Variants in CACNA1S observed in about 807,000 individuals in gnomAD.
CACNA1S encodes the protein calcium voltage-gated channel subunit alpha1 S.
CACNA1S carries 126 observed loss-of-function variants against 207.4 expected under a neutral mutation model. The ratio of observed to expected loss-of-function variants is 0.61; its 90% confidence interval spans 0.53 to 0.70. The LOEUF (loss-of-function observed/expected upper bound fraction) is 0.70. CACNA1S is among the 30% of genes least tolerant of loss of function. The pLI is 0.00. For synonymous variants in CACNA1S, 960 were observed against 932.7 expected, an observed-to-expected ratio of 1.03 and a Z score of -0.53; for missense variants, 2,349 against 2,422.8, an observed-to-expected ratio of 0.97 and a Z score of 0.64.
intron 38 of CACNA1S, among the ~76,000 whole-genome samples, chr1:201,046,513 A>G (rs189910265): frequency 2.7e-5 from 4 of 150,120 alleles, no homozygotes; most frequent in Non-Finnish European, 5.9e-5. Context: ...AGAGCCCTTC[A>G]TGGATCACCT....
Position 201,039,654 on chromosome 1 carries a change from C to G in CACNA1S, c.*177G>C. On this transcript the variant is annotated 3_prime_UTR_variant, in exon 44 of 44. Transcript: ENST00000362061. Reference sequence around the variant, plus strand: ...CTTGCTGGTGAGGGGCAGGGCCTGTCCAGCTACTTCCTCCGCACTTTTTGA... The same window carrying G: ...CTTGCTGGTGAGGGGCAGGGCCTGTGCAGCTACTTCCTCCGCACTTTTTGA... 1.4e-6 allele frequency: 1 copy of G among 734,428 alleles called. No individual in the cohort carries two copies. The allele number at this position is 734,428 out of a possible 1,614,324, so 45.5% of individuals were successfully genotyped here.
At chr1:201,107,832 A>T (rs534641202) in intron 2 of CACNA1S, among the ~76,000 whole-genome samples, 1 of 152,294 alleles carries the variant, frequency 6.6e-6, no homozygotes, top group South Asian at 2.1e-4. Context: ...TCTGGGCTTC[A>T]CAATTAAGGG....
At position 201,084,992 on chromosome 1, in the gene CACNA1S, C is replaced by T. The variant is rs779904144; in HGVS notation, c.1190G>A (p.Ser397Asn). 1.9e-6 allele frequency: 3 copies of T among 1,612,620 alleles called. No individual in the cohort carries two copies. The highest frequency in any genetic ancestry group is 2.5e-6 in the Non-Finnish European group (3 of 1,179,930). ...SLDEGGSDTE[S>N]LYEIAGLNKI... ...GTTCAAGCCTGCAATTTCATACAGG[C>T]TCTCTGTGTCAGAGCCACCTTCATC... is the stretch of plus-strand genomic sequence containing the variant. The change falls in exon 9 of 44, where the codon AGC becomes AAC. Residue 397 changes from serine (S) to asparagine (N), a missense_variant. Physicochemically the swap from Ser to Asn is conservative, Grantham distance 46. Transcript: ENST00000362061.
Position 201,061,994 on chromosome 1 carries a change from G to C in CACNA1S, c.3003C>G (p.Leu1001=). 6.2e-7 allele frequency: 1 copy of C among 1,614,230 alleles called. No homozygotes were observed. Among genetic ancestry groups the C allele is most frequent in the Admixed American group, 1.7e-5 (1 of 60,030 alleles). Residue 1001 remains leucine (L), a synonymous_variant, in exon 24 of 44, where the codon CTC becomes CTG. Coordinates refer to ENST00000362061, the MANE Select transcript of CACNA1S (RefSeq NM_000069.3). ...CCGTGAAGAGGGACATCATGGCTGA[G>C]AGCACATTGTCGAAGTGGAAGTCGC... ...VHSDFHFDNV[L]SAMMSLFTVS...
intron 1 of CACNA1S, among the ~76,000 whole-genome samples, chr1:201,111,212 T>C (rs1208837721): frequency 6.6e-6 from 1 of 152,142 alleles, no homozygotes; most frequent in Non-Finnish European, 1.5e-5. Flanking sequence ...GGGCTGACCC[T>C]GACCCCAAAC....
At chr1:201,058,783 T>C (rs1165212916) in intron 27 of CACNA1S, among the ~76,000 whole-genome samples, 1 of 152,144 alleles carries the variant, frequency 6.6e-6, no homozygotes, top group Non-Finnish European at 1.5e-5. Flanking sequence ...TAGAGATCTC[T>C]TTCATCCCCT....
chr1:201,061,827 T>G, intron 24 of CACNA1S, 117 bp downstream of exon 24: 3 of 1,185,446 alleles, frequency 2.5e-6, no homozygotes, highest in Non-Finnish European at 3.8e-6. Flanking sequence ...GTTGGTGGGT[T>G]TGTTGGACGC....
intron 2 of CACNA1S, among the ~76,000 whole-genome samples, chr1:201,096,997 A>T (rs74136316): frequency 2.6e-5 from 4 of 152,076 alleles, no homozygotes; most frequent in African/African-American, 9.7e-5. Context: ...GCTCTTTTTC[A>T]TGTGTCGCTG....
At position 201,042,996 on chromosome 1, in the gene CACNA1S, T is replaced by C. The variant is rs200450779; in HGVS notation, c.5048+285A>G. 6 of 415,794 alleles carry C rather than the reference T, an allele frequency of 1.4e-5. No homozygotes were observed. The East Asian group carries it at 3.2e-4, about 22-fold the overall frequency. 25.8% of individuals were successfully genotyped at this position (415,794 alleles called of 1,614,324 possible). ...GAAGATCCTCTCCTAACCTATCATG[T>C]GTTCAATACGTCTCAGCTCCTAGAC... On this transcript the variant is annotated intron_variant, in intron 40 of 43. Coordinates refer to ENST00000362061, the MANE Select transcript of CACNA1S (RefSeq NM_000069.3).
chr1:201,072,798 A>G lies in CACNA1S; in HGVS notation c.2184T>C (p.Asn728=). The G allele has an allele frequency of 1.9e-6, 3 of 1,613,932 alleles. No homozygotes were observed. Among genetic ancestry groups the G allele is most frequent in the Non-Finnish European group, 2.5e-6 (3 of 1,179,838 alleles). The change falls in exon 16 of 44, where the codon AAT becomes AAC. Residue 728 remains asparagine, a synonymous_variant. Coordinates refer to ENST00000362061, the MANE Select transcript of CACNA1S (RefSeq NM_000069.3). ...AKLKIDEFES[N]VNEVKDPYPS... The stretch of plus-strand genomic sequence containing the variant: ...GGTAGGGATCCTTCACCTCATTGAC[A>G]TTAGATTCAAACTCATCGATTTTCA...
intron 2 of CACNA1S, among the ~76,000 whole-genome samples, chr1:201,104,429 G>C (rs1273816404): frequency 6.6e-6 from 1 of 152,210 alleles, no homozygotes; most frequent in Non-Finnish European, 1.5e-5. Context: ...CTGTCCTCTA[G>C]AGATGCAAAT....
At position 201,048,990 on chromosome 1, in the gene CACNA1S, C is replaced by G. The variant is rs370782181; in HGVS notation, c.4338+13G>C. On this transcript the variant is annotated intron_variant, in intron 35 of 43. Transcript: ENST00000362061. The stretch of plus-strand genomic sequence containing the variant: ...CCTCCCTGGGGCCACCCATCCCTGG[C>G]AGCTCTGGTTACCTTACAAGCTACC... 6.2e-7 allele frequency: 1 copy of G among 1,605,836 alleles called. No individual in the cohort carries two copies. The highest frequency in any genetic ancestry group is 1.3e-5 in the African/African-American group (1 of 74,892).
In CACNA1S at chr1:201,083,300, G is replaced by C. The variant is rs759510146; in HGVS notation, c.1255C>G (p.Arg419Gly). The change falls in exon 10 of 44, where the codon CGC (arginine) becomes GGC (glycine). Residue 419 changes from arginine (R) to glycine (G), a missense_variant. Transcript: ENST00000362061. The part of the protein sequence containing the change: ...QFIRHWRQWN[R>G]IFRWKCHDIV... ...TCATGGCACTTCCAGCGAAAGATGC[G>C]GTTCCACTGCCTCCAATGTCGGCTG... 6.2e-7 allele frequency: 1 copy of C among 1,614,204 alleles called. No homozygotes were observed. The highest frequency in any genetic ancestry group is 1.7e-5 in the Admixed American group (1 of 60,024).
intron 12 of CACNA1S, among the ~76,000 whole-genome samples, chr1:201,076,069 A>C (rs1418361206): frequency 6.6e-6 from 1 of 152,178 alleles, no homozygotes; most frequent in African/African-American, 2.4e-5. Flanking sequence ...CTCCATCTCG[A>C]AAAACAAAAC....
chr1:201,066,167 C>T lies in CACNA1S; in HGVS notation c.2745+62G>A, dbSNP rs529271947. The T allele has an allele frequency of 5.5e-5, 82 of 1,487,200 alleles. 1 individual carries two copies. The highest frequency in any genetic ancestry group is 5.0e-4 in the South Asian group (44 of 88,452). 92.1% of individuals were successfully genotyped at this position (1,487,200 alleles called of 1,614,324 possible). Reference sequence around the variant, plus strand: ...CATGGCTGGGCTGAGGTTTCTGGAGCGAGGAGGCCCCTGTAACCCCTCCCA... The same window carrying T: ...CATGGCTGGGCTGAGGTTTCTGGAGTGAGGAGGCCCCTGTAACCCCTCCCA... On this transcript the variant is annotated intron_variant, in intron 21 of 43. Coordinates refer to ENST00000362061, the MANE Select transcript of CACNA1S (RefSeq NM_000069.3). This position sits in a 1 kb window ranked among gnomAD's most constrained non-coding sequence, Gnocchi z 4.3.
At chr1:201,054,898 G>A (rs188886340) in intron 28 of CACNA1S, among the ~76,000 whole-genome samples, 82 of 152,302 alleles carry the variant, frequency 5.4e-4, no homozygotes, top group Admixed American at 2.5e-3. Context: ...GTTATGTGAT[G>A]CTGGGGACGT....
intron 16 of CACNA1S, 83 bp downstream of exon 16, chr1:201,072,671 GA>G (rs1661466104): frequency 9.3e-6 from 9 of 970,610 alleles, no homozygotes; most frequent in Middle Eastern, 2.2e-4. Context: ...ACACACAAGA[GA>G]CTGCCCATGG....
chr1:201,076,438 G>A (rs1458551115), intron 12 of CACNA1S, among the ~76,000 whole-genome samples: 2 of 152,268 alleles, frequency 1.3e-5, no homozygotes, highest in Non-Finnish European at 2.9e-5. Flanking sequence ...CAGGGACCCT[G>A]AAAGCTTCTC....
At position 201,092,121 on chromosome 1, in the gene CACNA1S, T is replaced by G; in HGVS notation, c.399-7A>C. Reference sequence around the variant, plus strand: ...CAGAATCACGGTGAAGACCCTAGAATGGAGAAGAGGGAGAGAGGGGGTCCA... The same window carrying G: ...CAGAATCACGGTGAAGACCCTAGAAGGGAGAAGAGGGAGAGAGGGGGTCCA... On this transcript the variant is annotated splice_region_variant and splice_polypyrimidine_tract_variant and intron_variant, in intron 3 of 43. Transcript: ENST00000362061. 6 of 1,613,828 alleles carry G rather than the reference T, an allele frequency of 3.7e-6. No homozygotes were observed. Among genetic ancestry groups the G allele is most frequent in the Non-Finnish European group, 5.1e-6 (6 of 1,179,932 alleles).
Sources: allele counts gnomAD v4.1 joint callset (sites outside exome capture counted in the v4.1 genomes callset), GRCh38; gene constraint gnomAD v4.1.1; non-coding constraint Gnocchi (gnomAD v3.1); transcripts MANE v1.5; gene names NCBI Gene and HGNC (gene_info 2026-07-23, HGNC 2026-07-21).